Variants in GRID2 observed in about 807,000 individuals in gnomAD.
GRID2 encodes glutamate ionotropic receptor delta type subunit 2.
In GRID2, 33 loss-of-function variants were observed where a neutral mutation model predicts 114.8. The observed-to-expected ratio is 0.29, with a 90% CI of 0.22 to 0.38. The LOEUF is 0.38. GRID2 is among the 10% of genes least tolerant of loss of function. The pLI, the probability that GRID2 is intolerant of heterozygous loss-of-function variation, is 1.00. For synonymous variants in GRID2, 505 were observed against 449.9 expected (o/e 1.12, Z -1.55); for missense variants, 1,184 against 1,257.7 (o/e 0.94, Z 0.89).
At chr4:92,972,221 T>G (rs1753566869) in intron 2 of GRID2, among the ~76,000 whole-genome samples, 1 of 152,036 alleles carries the variant, frequency 6.6e-6, no homozygotes, top group African/African-American at 2.4e-5. Flanking sequence ...TTTTTTGTCT[T>G]TCTGATAACA....
At chr4:92,916,396 T>C (rs1480357463) in intron 2 of GRID2, among the ~76,000 whole-genome samples, 2 of 152,042 alleles carry the variant, frequency 1.3e-5, no homozygotes, top group Non-Finnish European at 2.9e-5. Flanking sequence ...ATTTAGGGTA[T>C]ATGTGCACAA....
chr4:92,718,034 A>G (rs186269356), intron 2 of GRID2, among the ~76,000 whole-genome samples: 4 of 152,272 alleles, frequency 2.6e-5, no homozygotes, highest in Admixed American at 1.3e-4. Context: ...CTAAAAATAT[A>G]TATTACTCAT....
chr4:93,332,440 C>T (rs570448102), intron 8 of GRID2, among the ~76,000 whole-genome samples: 10 of 147,904 alleles, frequency 6.8e-5, no homozygotes, highest in African/African-American at 1.1e-4. Flanking sequence ...CAATAAATTG[C>T]TCTTCTTTTT....
chr4:93,614,054 G>A (rs912249578), intron 13 of GRID2, among the ~76,000 whole-genome samples: 10 of 151,954 alleles, frequency 6.6e-5, no homozygotes, highest in Admixed American at 1.3e-4. Flanking sequence ...CGCAATATTC[G>A]GGTGGGAGTG....
intron 2 of GRID2, among the ~76,000 whole-genome samples, chr4:92,766,205 A>T (rs901222554): frequency 6.6e-6 from 1 of 152,158 alleles, no homozygotes; most frequent in Non-Finnish European, 1.5e-5. Flanking sequence ...ACAAAAGAGG[A>T]TTCTTTTTGA....
chr4:93,773,987 A>C lies in GRID2; in HGVS notation c.*1489A>C, dbSNP rs913182914. 4 of 152,144 alleles carry C rather than the reference A, an allele frequency of 2.6e-5. No individual in the cohort carries two copies. The highest frequency in any genetic ancestry group is 5.9e-5 in the Non-Finnish European group (4 of 67,976). 9.4% of individuals were successfully genotyped at this position (152,144 alleles called of 1,614,324 possible). ...TTAAATTAAAATGTGGTAAGTAGGA[A>C]GCAAGAACTTATTCTGTGTTTTTAC... On this transcript the variant is annotated 3_prime_UTR_variant, in exon 16 of 16. Coordinates refer to ENST00000282020, the MANE Select transcript of GRID2 (RefSeq NM_001510.4).
At chr4:92,308,282 A>T (rs1284233814) in intron 1 of GRID2, among the ~76,000 whole-genome samples, 3 of 152,190 alleles carry the variant, frequency 2.0e-5, no homozygotes, top group Non-Finnish European at 4.4e-5. Flanking sequence ...TCCTTTCTTT[A>T]TCTGGTTCCT....
At chr4:92,636,160 T>A (rs1731056037) in intron 2 of GRID2, among the ~76,000 whole-genome samples, 2 of 151,974 alleles carry the variant, frequency 1.3e-5, no homozygotes, top group African/African-American at 4.8e-5. Context: ...TTGGTGGGCC[T>A]GCCGAGTCCT....
At chr4:92,530,909 C>CG (rs1459344991) in intron 1 of GRID2, among the ~76,000 whole-genome samples, 123 of 148,946 alleles carry the variant, frequency 8.3e-4, no homozygotes, top group Admixed American at 2.1e-3. Context: ...TCCATCTTGG[C>CG]GGGGGGGGAG....
chr4:92,593,889 C>G (rs1156325446), intron 2 of GRID2, among the ~76,000 whole-genome samples: 1 of 142,438 alleles, frequency 7.0e-6, no homozygotes, highest in Non-Finnish European at 1.5e-5. Flanking sequence ...ATTTTGGTAT[C>G]TAGGATGTAG....
At chr4:92,784,518 A>C (rs1363699562) in intron 2 of GRID2, among the ~76,000 whole-genome samples, 1 of 151,818 alleles carries the variant, frequency 6.6e-6, no homozygotes, top group Non-Finnish European at 1.5e-5. Flanking sequence ...TTTACTCTTA[A>C]AGATTCTGGT....
intron 9 of GRID2, among the ~76,000 whole-genome samples, chr4:93,398,543 G>A (rs903246087): frequency 6.6e-6 from 1 of 151,726 alleles, no homozygotes; most frequent in Non-Finnish European, 1.5e-5. Flanking sequence ...TTATTGGGAA[G>A]GATTGTAGGT....
At chr4:93,414,685 T>TTATATATA (rs34416042) in intron 9 of GRID2, among the ~76,000 whole-genome samples, 2,459 of 140,522 alleles carry the variant, frequency 0.017, 71 homozygotes, top group African/African-American at 0.059. Flanking sequence ...ATCTGACATT[T>TTATATATA]TATATATATA....
At chr4:92,680,704 A>T (rs1270385823) in intron 2 of GRID2, among the ~76,000 whole-genome samples, 2 of 152,212 alleles carry the variant, frequency 1.3e-5, no homozygotes, top group East Asian at 3.8e-4. Context: ...AATACATGAC[A>T]AGGGAGAACC....
At chr4:93,648,633 C>T (rs187794209) in intron 14 of GRID2, among the ~76,000 whole-genome samples, 5 of 152,310 alleles carry the variant, frequency 3.3e-5, no homozygotes, top group South Asian at 2.1e-4. Context: ...ATCACCTGAA[C>T]GGTCTGTTAA....
At chr4:92,884,009 A>G (rs908044256) in intron 2 of GRID2, among the ~76,000 whole-genome samples, 2 of 152,140 alleles carry the variant, frequency 1.3e-5, no homozygotes, top group African/African-American at 4.8e-5. Context: ...CTCTTTAGCT[A>G]TGAAAGTCCT....
intron 13 of GRID2, among the ~76,000 whole-genome samples, chr4:93,612,036 C>T (rs375182600): frequency 6.6e-6 from 1 of 151,828 alleles, no homozygotes; most frequent in African/African-American, 2.4e-5. Context: ...TAGTTAGCTC[C>T]TCTTGTTGAA....
intron 1 of GRID2, among the ~76,000 whole-genome samples, chr4:92,437,668 C>T (rs1038439440): frequency 6.6e-6 from 1 of 152,132 alleles, no homozygotes; most frequent in African/African-American, 2.4e-5. Flanking sequence ...TCTGTTTAAC[C>T]TCAAAGGTTT....
intron 12 of GRID2, among the ~76,000 whole-genome samples, chr4:93,512,761 G>A (rs914270801): frequency 3.9e-5 from 6 of 152,152 alleles, no homozygotes; most frequent in African/African-American, 1.4e-4. Context: ...CTCTAAAAAT[G>A]CATTGTGTAC....
Sources: gnomAD v4.1 joint callset for allele counts (sites outside exome capture counted in the v4.1 genomes callset) on GRCh38, gnomAD v4.1.1 for gene constraint, MANE v1.5 for transcripts, NCBI Gene and HGNC (gene_info 2026-07-23, HGNC 2026-07-21) for gene names.